Variants in KLHL1 observed in about 807,000 individuals in gnomAD.
KLHL1 encodes kelch like family member 1, also known as kelch-like protein 1.
In KLHL1, 47 loss-of-function variants were observed where a neutral mutation model predicts 77.7. The ratio of observed to expected loss-of-function variants is 0.60; its 90% confidence interval spans 0.48 to 0.77. KLHL1 has a LOEUF of 0.77. KLHL1 is among the 30% of genes least tolerant of loss of function. The pLI, the probability that KLHL1 is intolerant of heterozygous loss-of-function variation, is 0.00. For synonymous variants in KLHL1, 360 were observed against 325.2 expected (o/e 1.11, Z -1.15); for missense variants, 925 against 910.8 (o/e 1.02, Z -0.20).
intron 4 of KLHL1, among the ~76,000 whole-genome samples, chr13:69,886,240 T>C (rs1881212486): frequency 6.6e-6 from 1 of 152,156 alleles, no homozygotes; most frequent in South Asian, 2.1e-4. Flanking sequence ...TAAGTTGCCA[T>C]TTCATAAGAC....
chr13:69,928,608 A>C (rs546222072), intron 4 of KLHL1, among the ~76,000 whole-genome samples: 1 of 152,322 alleles, frequency 6.6e-6, no homozygotes, highest in South Asian at 2.1e-4. Context: ...TAAATAAATT[A>C]CTGATACATG....
intron 6 of KLHL1, among the ~76,000 whole-genome samples, chr13:69,830,675 C>G (rs766210863): frequency 6.7e-6 from 1 of 149,982 alleles, no homozygotes; most frequent in Non-Finnish European, 1.5e-5. Context: ...GGAACATTCT[C>G]CAAGATAGAC....
At chr13:70,040,320 G>T (rs1384015122) in intron 1 of KLHL1, among the ~76,000 whole-genome samples, 1 of 152,184 alleles carries the variant, frequency 6.6e-6, no homozygotes, top group Non-Finnish European at 1.5e-5. Context: ...AAGAGAGGGA[G>T]TGGGGCAAGG....
chr13:69,739,006 G>T (rs1285451070), intron 8 of KLHL1, among the ~76,000 whole-genome samples: 1 of 152,150 alleles, frequency 6.6e-6, no homozygotes, highest in Non-Finnish European at 1.5e-5. Context: ...CAGAGAGAAA[G>T]GCCAGGTCAC....
At chr13:70,100,314 C>T (rs1301716154) in intron 1 of KLHL1, among the ~76,000 whole-genome samples, 2 of 151,900 alleles carry the variant, frequency 1.3e-5, no homozygotes, top group South Asian at 2.1e-4. Flanking sequence ...CAATTAAATG[C>T]CCAATTATTC....
intron 7 of KLHL1, among the ~76,000 whole-genome samples, chr13:69,792,204 A>T (rs1279286449): frequency 1.3e-5 from 2 of 152,198 alleles, no homozygotes; most frequent in Non-Finnish European, 2.9e-5. Flanking sequence ...AAAACGTAAA[A>T]GGAACACTTA....
At chr13:70,080,292 G>T (rs934392467) in intron 1 of KLHL1, among the ~76,000 whole-genome samples, 1 of 152,168 alleles carries the variant, frequency 6.6e-6, no homozygotes, top group Admixed American at 6.5e-5. Context: ...CAAGGGCTCA[G>T]AGAGTGCAGC....
chr13:69,722,093 T>A (rs567845358), intron 8 of KLHL1, among the ~76,000 whole-genome samples: 2 of 152,044 alleles, frequency 1.3e-5, no homozygotes, highest in Non-Finnish European at 2.9e-5. Context: ...TATGGGCATC[T>A]TTCTGTGAGA....
intron 4 of KLHL1, among the ~76,000 whole-genome samples, chr13:69,903,862 G>C (rs1012833800): frequency 6.6e-6 from 1 of 151,326 alleles, no homozygotes; most frequent in Non-Finnish European, 1.5e-5. Flanking sequence ...GGATGGTCTC[G>C]AACTCTTGAC....
intron 3 of KLHL1, among the ~76,000 whole-genome samples, chr13:69,955,203 G>A (rs2137260269): frequency 6.6e-6 from 1 of 151,440 alleles, no homozygotes; most frequent in East Asian, 1.9e-4. Context: ...TCTGAAGAGA[G>A]TTTAAATGGT....
chr13:69,742,504 G>T (rs990058117), intron 7 of KLHL1, among the ~76,000 whole-genome samples: 1 of 152,054 alleles, frequency 6.6e-6, no homozygotes, highest in African/African-American at 2.4e-5. Flanking sequence ...TGACCTTTAT[G>T]TGTCAGGAAT....
intron 7 of KLHL1, among the ~76,000 whole-genome samples, chr13:69,762,103 G>T (rs548145621): frequency 2.2e-4 from 33 of 152,210 alleles, no homozygotes; most frequent in Admixed American, 9.8e-4. Flanking sequence ...GTAGCTAAAA[G>T]GTTATCAGAA....
intron 5 of KLHL1, among the ~76,000 whole-genome samples, chr13:69,865,275 A>G (rs1205754115): frequency 6.6e-6 from 1 of 152,088 alleles, no homozygotes; most frequent in East Asian, 1.9e-4. Context: ...GTGTTAATTA[A>G]GTGTATGCAT....
At chr13:69,824,004 A>G (rs910902932) in intron 6 of KLHL1, among the ~76,000 whole-genome samples, 1 of 151,886 alleles carries the variant, frequency 6.6e-6, no homozygotes, top group Non-Finnish European at 1.5e-5. Context: ...GTATATGTGC[A>G]TATATATATG....
intron 4 of KLHL1, among the ~76,000 whole-genome samples, chr13:69,886,739 T>C (rs2138202339): frequency 6.6e-6 from 1 of 152,274 alleles, no homozygotes; most frequent in African/African-American, 2.4e-5. Flanking sequence ...ATGTACTATA[T>C]GGTTAACTCA....
At chr13:69,732,699 C>T (rs9542068) in intron 8 of KLHL1, among the ~76,000 whole-genome samples, 46,547 of 150,756 alleles carry the variant, frequency 0.31, 7,575 homozygotes, top group African/African-American at 0.41. Flanking sequence ...CTTTTCTCAC[C>T]GTAGCAGCCC....
intron 8 of KLHL1, among the ~76,000 whole-genome samples, chr13:69,721,350 T>C (rs1328739040): frequency 6.6e-6 from 1 of 150,928 alleles, no homozygotes; most frequent in African/African-American, 2.4e-5. Flanking sequence ...CCCTAAAATG[T>C]ATAAAATCAA....
intron 1 of KLHL1, among the ~76,000 whole-genome samples, chr13:70,036,592 G>T (rs1004196321): frequency 6.6e-6 from 1 of 151,792 alleles, no homozygotes; most frequent in Non-Finnish European, 1.5e-5. Context: ...CATATAATAC[G>T]TATTTACCTT....
chr13:69,860,254 C>G (rs1880087532), intron 5 of KLHL1, among the ~76,000 whole-genome samples: 1 of 151,886 alleles, frequency 6.6e-6, no homozygotes, highest in South Asian at 2.1e-4. Context: ...TGAAAAATCT[C>G]AATGTTCAAA....
Sources: gnomAD v4.1 joint callset for allele counts (sites outside exome capture counted in the v4.1 genomes callset) on GRCh38, gnomAD v4.1.1 for gene constraint, MANE v1.5 for transcripts, NCBI Gene and HGNC (gene_info 2026-07-23, HGNC 2026-07-21) for gene names.